Variants in SLC47A2 observed in about 807,000 individuals in gnomAD.
SLC47A2 encodes the protein multidrug and toxin extrusion protein 2.
A neutral mutation model predicts 67.7 loss-of-function variants in SLC47A2; 52 were observed. That is an observed-to-expected ratio of 0.77 (90% CI 0.61 to 0.97). The LOEUF (loss-of-function observed/expected upper bound fraction) is 0.97, where lower values mean the gene tolerates loss of function less well. SLC47A2 is among the 50% of genes least tolerant of loss of function. The pLI, the probability that SLC47A2 is intolerant of heterozygous loss-of-function variation, is 0.00. For missense variants in SLC47A2, 676 were observed against 712.3 expected (o/e 0.95, Z 0.58); for synonymous variants, 278 against 292.9 (o/e 0.95, Z 0.52).
chr17:19,715,023 C>A (rs2086212898), intron 2 of SLC47A2, 93 bp downstream of exon 2: 2 of 1,417,704 alleles, frequency 1.4e-6, no homozygotes, highest in East Asian at 2.3e-5. Context: ...TCTTCCCATC[C>A]CTGACCAGCC....
chr17:19,707,431 G>A (rs777538091), intron 8 of SLC47A2, among the ~76,000 whole-genome samples: 2 of 152,200 alleles, frequency 1.3e-5, no homozygotes, highest in African/African-American at 2.4e-5. Context: ...GGCACCCCAC[G>A]CACTGCTGAC....
intron 16 of SLC47A2, among the ~76,000 whole-genome samples, chr17:19,679,586 G>A (rs2085268802): frequency 1.3e-5 from 2 of 152,194 alleles, no homozygotes. Context: ...GTTCAGTGGG[G>A]GAGATCATGG....
intron 5 of SLC47A2, 100 bp from the exon 6 acceptor site, chr17:19,708,860 G>T (rs2086019816): frequency 2.8e-6 from 4 of 1,423,088 alleles, no homozygotes. Context: ...ACCCCAGATT[G>T]GGGAAATTAC....
chr17:19,694,351 AT>A (rs1279856364), intron 13 of SLC47A2, among the ~76,000 whole-genome samples: 2 of 152,228 alleles, frequency 1.3e-5, no homozygotes, highest in Non-Finnish European at 2.9e-5. Context: ...TGGTATATTA[AT>A]AGTACCTGAT....
chr17:19,680,428 C>T (rs998717785), intron 15 of SLC47A2, among the ~76,000 whole-genome samples: 5 of 152,082 alleles, frequency 3.3e-5, no homozygotes, highest in African/African-American at 9.7e-5. Flanking sequence ...TGCATTGAGC[C>T]GAGATTGTAC....
chr17:19,704,555 A>T, intron 10 of SLC47A2: 1 of 1,252,938 alleles, frequency 8.0e-7, no homozygotes, highest in Non-Finnish European at 1.1e-6. Flanking sequence ...AGCAGAAACC[A>T]CTTGTAAAAA....
intron 5 of SLC47A2, among the ~76,000 whole-genome samples, chr17:19,709,954 G>GA (rs1010719304): frequency 1.3e-5 from 2 of 152,112 alleles, no homozygotes; most frequent in Non-Finnish European, 1.5e-5. Context: ...CCGTAAACCA[G>GA]AAAAAAATCT....
intron 13 of SLC47A2, among the ~76,000 whole-genome samples, chr17:19,699,152 T>C (rs899384587): frequency 6.6e-6 from 1 of 151,738 alleles, no homozygotes; most frequent in African/African-American, 2.4e-5. Context: ...TACAGTCAAC[T>C]GATTTTGACA....
At chr17:19,682,754 A>G (rs905596282) in intron 13 of SLC47A2, among the ~76,000 whole-genome samples, 1 of 152,232 alleles carries the variant, frequency 6.6e-6, no homozygotes, top group Non-Finnish European at 1.5e-5. Context: ...TTTGCCTACC[A>G]TGCATGGCAA....
intron 1 of SLC47A2, chr17:19,715,666 A>G (rs928503262): frequency 6.6e-6 from 1 of 151,422 alleles, no homozygotes; most frequent in African/African-American, 2.5e-5. Context: ...GTTTTACAGG[A>G]AGTGCAATTC....
At chr17:19,712,598 G>A in intron 5 of SLC47A2, 105 bp downstream of exon 5, 1 of 1,220,302 alleles carries the variant, frequency 8.2e-7, no homozygotes, top group Non-Finnish European at 1.2e-6. Context: ...GGCCCAGCAG[G>A]AAGTCACAGC....
At chr17:19,683,763 T>G (rs1050077602) in intron 13 of SLC47A2, among the ~76,000 whole-genome samples, 1 of 152,232 alleles carries the variant, frequency 6.6e-6, no homozygotes, top group East Asian at 1.9e-4. Context: ...CAGCAGAGAA[T>G]GGAAGCTTTG....
chr17:19,716,747 G>T, upstream of SLC47A2: 1 of 806,584 alleles, frequency 1.2e-6, no homozygotes, highest in Non-Finnish European at 1.8e-6. Context: ...CTGCTGCCAA[G>T]CCTACTGCCT....
intron 13 of SLC47A2, among the ~76,000 whole-genome samples, chr17:19,697,436 CA>C (rs1379212206): frequency 6.6e-6 from 1 of 151,810 alleles, no homozygotes; most frequent in Admixed American, 6.6e-5. Context: ...GACTTTGTCT[CA>C]AAAAAACAAA....
At chr17:19,705,662 C>G (rs2085915668) in intron 9 of SLC47A2, among the ~76,000 whole-genome samples, 159 bp from the exon 10 acceptor site, 2 of 151,768 alleles carry the variant, frequency 1.3e-5, no homozygotes, top group Admixed American at 6.6e-5. Flanking sequence ...TGCAGTGGCG[C>G]AATTATAGCT....
chr17:19,704,030 G>C, intron 11 of SLC47A2, 40 bp downstream of exon 11: 2 of 1,514,366 alleles, frequency 1.3e-6, no homozygotes, highest in South Asian at 1.2e-5. Context: ...GGTGACTCAG[G>C]CCAACGTTTG....
At chr17:19,711,588 C>CAAAAAAAAAAAAAAAAAAAAAAAAAAA (rs35308426) in intron 5 of SLC47A2, among the ~76,000 whole-genome samples, 4 of 33,006 alleles carry the variant, frequency 1.2e-4, no homozygotes, top group Non-Finnish European at 1.8e-4. Flanking sequence ...AACTCCGTCT[C>CAAAAAAAAAAAAAAAAAAAAAAAAAAA]AAAAAAAAAA....
intron 13 of SLC47A2, chr17:19,692,313 A>C (rs1597603494): frequency 2.3e-6 from 1 of 441,244 alleles, no homozygotes; most frequent in African/African-American, 2.0e-5. Flanking sequence ...AAACCAAAAA[A>C]CAAAGAGAGT....
Position 19,685,487 on chromosome 17 carries a change from C to T in SLC47A2, c.1165-3817G>A, listed in dbSNP as rs4924791. Among the ~76,000 whole-genome samples, 42,356 of 151,482 alleles carry T rather than the reference C, an allele frequency of 0.28. 6,335 individuals carry two copies. The highest frequency in any genetic ancestry group is 0.52 in the East Asian group (2,650 of 5,112). ...TCTGGGAAGTGAGGAGTGCCTCTGC[C>T]CAGTCGCCCCATCTGGGAGGTGAGG... On this transcript the variant is annotated intron_variant, in intron 13 of 16. Coordinates refer to ENST00000433844, the MANE Select transcript of SLC47A2 (RefSeq NM_001099646.3). This position sits in a 1 kb window ranked among gnomAD's most constrained non-coding sequence, Gnocchi z 4.5.
Sources: gnomAD v4.1 joint callset for allele counts (sites outside exome capture counted in the v4.1 genomes callset) on GRCh38, gnomAD v4.1.1 for gene constraint, Gnocchi (gnomAD v3.1) non-coding constraint, MANE v1.5 for transcripts, NCBI Gene and HGNC (gene_info 2026-07-23, HGNC 2026-07-21) for gene names.